CYP19A1: variants seen among roughly 807,000 people sequenced by gnomAD.
The protein encoded by CYP19A1 is aromatase.
A neutral mutation model predicts 44.4 loss-of-function variants in CYP19A1; 32 were observed. The observed-to-expected ratio is 0.72, with a 90% confidence interval of 0.54 to 0.97. The LOEUF is 0.97. Ranked by LOEUF, CYP19A1 falls within the 50% of genes least tolerant of loss-of-function variation. The probability of loss-of-function intolerance (pLI) is 0.00; values close to 1 mark genes in which losing one functional copy is unlikely to be tolerated. For synonymous variants in CYP19A1, 212 were observed against 215.6 expected (o/e 0.98, Z 0.14); for missense variants, 598 against 637.8 (o/e 0.94, Z 0.67).
chr15:51,218,348 A>G (rs1172380848), intron 6 of CYP19A1, 193 bp downstream of exon 6: 21 of 800,120 alleles, frequency 2.6e-5, no homozygotes, highest in Non-Finnish European at 3.6e-5. Flanking sequence ...CAAAGGCTTC[A>G]TTTACTCTCT....
chr15:51,277,037 A>G (rs28559710), intron 1 of CYP19A1: 1 of 152,002 alleles, frequency 6.6e-6, no homozygotes. Context: ...GAGAGAGAGA[A>G]AGAGAAAGAA....
intron 1 of CYP19A1, among the ~76,000 whole-genome samples, chr15:51,338,199 T>A (rs1356049994): frequency 6.6e-6 from 1 of 152,186 alleles, no homozygotes; most frequent in Non-Finnish European, 1.5e-5. Context: ...CTCCTCACCA[T>A]TGGATAGCCA....
In CYP19A1 at chr15:51,301,361, A is replaced by T. The variant is rs937046358; in HGVS notation, c.-39+37134T>A. Among the ~76,000 whole-genome samples, 16 of 152,344 alleles carry T rather than the reference A, an allele frequency of 1.1e-4. No individual in the cohort carries two copies. The South Asian group carries it at 1.5e-3, about 14-fold the overall frequency. On this transcript the variant is annotated intron_variant, in intron 1 of 9. Transcript: ENST00000396402. ...TAGCACAAAGCTTCCTTTCCAAGTT[A>T]GATCAATTTAGCCTTTCTGGTCCTA...
At chr15:51,305,341 G>A (rs1308295731) in intron 1 of CYP19A1, among the ~76,000 whole-genome samples, 4 of 152,306 alleles carry the variant, frequency 2.6e-5, no homozygotes, top group African/African-American at 7.2e-5. Flanking sequence ...AACTCAGCTA[G>A]CAGAGAAGAA....
At chr15:51,337,051 C>T (rs990971881) in intron 1 of CYP19A1, among the ~76,000 whole-genome samples, 2 of 152,192 alleles carry the variant, frequency 1.3e-5, no homozygotes, top group African/African-American at 4.8e-5. Context: ...ATATAACCAA[C>T]CTCAAAGCCA....
intron 5 of CYP19A1, among the ~76,000 whole-genome samples, chr15:51,220,568 CAGT>C (rs2031984715): frequency 6.6e-6 from 1 of 152,114 alleles, no homozygotes; most frequent in South Asian, 2.1e-4. Context: ...TTAATGCCAA[CAGT>C]AGAATGGAAT....
intron 1 of CYP19A1, among the ~76,000 whole-genome samples, chr15:51,253,701 C>T (rs2034412070): frequency 6.6e-6 from 1 of 152,172 alleles, no homozygotes; most frequent in East Asian, 1.9e-4. Context: ...GGGATATTTT[C>T]ATTGTAACAT....
chr15:51,222,020 A>C, intron 5 of CYP19A1: 1 of 488,982 alleles, frequency 2.0e-6, no homozygotes, highest in Non-Finnish European at 3.6e-6. Context: ...AAATGGTTAA[A>C]TATATAAAGT....
At chr15:51,290,824 G>T (rs1202826348) in intron 1 of CYP19A1, among the ~76,000 whole-genome samples, 1 of 152,178 alleles carries the variant, frequency 6.6e-6, no homozygotes, top group Non-Finnish European at 1.5e-5. Flanking sequence ...ACTTCCAACT[G>T]GTCCTCTAGT....
chr15:51,220,854 C>A (rs939272339), intron 5 of CYP19A1, among the ~76,000 whole-genome samples: 1 of 151,980 alleles, frequency 6.6e-6, no homozygotes, highest in Non-Finnish European at 1.5e-5. Flanking sequence ...TATTTTTGTA[C>A]CCATTAATCA....
intron 3 of CYP19A1, among the ~76,000 whole-genome samples, chr15:51,233,280 A>G (rs562882902): frequency 1.3e-5 from 2 of 152,302 alleles, no homozygotes; most frequent in East Asian, 3.9e-4. Flanking sequence ...TGCCAGTTTC[A>G]GCACTGAAAG....
intron 4 of CYP19A1, among the ~76,000 whole-genome samples, chr15:51,226,572 C>T (rs4775934): frequency 0.86 from 130,970 of 152,144 alleles, 57,964 homozygotes; most frequent in Non-Finnish European, 0.97. Flanking sequence ...CCCCCCATCT[C>T]AGCAGGCACA....
intron 1 of CYP19A1, among the ~76,000 whole-genome samples, chr15:51,303,441 T>G (rs1208253009): frequency 6.6e-6 from 1 of 151,410 alleles, no homozygotes; most frequent in African/African-American, 2.4e-5. Flanking sequence ...TAGTAATTAG[T>G]ATTGTCATCA....
At position 51,236,942 on chromosome 15, in the gene CYP19A1, G is replaced by A; in HGVS notation, c.213C>T (p.Gly71=). 2 of 1,614,178 alleles carry A rather than the reference G, an allele frequency of 1.2e-6. No individual in the cohort carries two copies. Among genetic ancestry groups the A allele is most frequent in the South Asian group, 1.1e-5 (1 of 91,080 alleles). ...SHGRFLWMGI[G]SACNYYNRVY... is the part of the protein sequence containing the mutation. ...CCCGGTTGTAGTAGTTGCAGGCACTGCCGATCCCCATCCACAGGAATCTGC... is the reference window on the plus strand; with the variant it reads ...CCCGGTTGTAGTAGTTGCAGGCACTACCGATCCCCATCCACAGGAATCTGC... Residue 71 remains glycine, a synonymous_variant, in exon 3 of 10, where the codon GGC becomes GGT. Coordinates refer to ENST00000396402, the MANE Select transcript of CYP19A1 (RefSeq NM_000103.4).
At chr15:51,225,920 T>A (rs1313775048) in intron 4 of CYP19A1, among the ~76,000 whole-genome samples, 3 of 151,516 alleles carry the variant, frequency 2.0e-5, no homozygotes, top group Admixed American at 2.0e-4. Context: ...AAACCCCGTC[T>A]CTACTGAAAA....
chr15:51,236,772 C>CGTTAGA (rs2033417385), intron 3 of CYP19A1, 87 bp downstream of exon 3: 1 of 1,485,914 alleles, frequency 6.7e-7, no homozygotes, highest in African/African-American at 1.4e-5. Context: ...GAAACAAAGA[C>CGTTAGA]ATCAAGATTC....
intron 1 of CYP19A1, among the ~76,000 whole-genome samples, chr15:51,326,984 G>A (rs908829387): frequency 6.6e-6 from 1 of 152,140 alleles, no homozygotes; most frequent in Non-Finnish European, 1.5e-5. Context: ...GTCAAGCTCA[G>A]TCTTTTGAAT....
At chr15:51,237,096 T>C in intron 2 of CYP19A1, 87 bp from the exon 3 acceptor site, 1 of 1,432,160 alleles carries the variant, frequency 7.0e-7, no homozygotes, top group Non-Finnish European at 9.7e-7. Context: ...TGTTCTTTTA[T>C]AGCTAAGTGT....
chr15:51,318,285 A>T (rs926334672), intron 1 of CYP19A1: 2 of 152,246 alleles, frequency 1.3e-5, no homozygotes, highest in East Asian at 3.8e-4. Flanking sequence ...ACTTAATTAA[A>T]GCCACTCAGT....
Sources: gnomAD v4.1 joint callset for allele counts (sites outside exome capture counted in the v4.1 genomes callset) on GRCh38, gnomAD v4.1.1 for gene constraint, MANE v1.5 for transcripts, NCBI Gene and HGNC (gene_info 2026-07-23, HGNC 2026-07-21) for gene names.